Variants in ASTN2 observed in about 807,000 individuals in gnomAD.
The protein encoded by ASTN2 is astrotactin 2.
In ASTN2, 54 loss-of-function variants were observed where a neutral mutation model predicts 139.8. That is an observed-to-expected ratio of 0.39 (90% confidence interval 0.31 to 0.48). ASTN2 has a LOEUF of 0.48. Ranked by LOEUF, ASTN2 falls within the 20% of genes least tolerant of loss-of-function variation. The pLI is 0.95. For missense variants in ASTN2, 1,565 were observed against 1,725.1 expected (o/e 0.91, Z 1.64); for synonymous variants, 756 against 719.5 (o/e 1.05, Z -0.81).
intron 6 of ASTN2, 22 bp downstream of exon 6, chr9:117,039,797 A>G: frequency 6.2e-7 from 1 of 1,609,370 alleles, no homozygotes; most frequent in Non-Finnish European, 8.5e-7. Flanking sequence ...GGTGTGGAGC[A>G]TCTGCAATGC....
chr9:117,018,307 C>T (rs1837775054), intron 6 of ASTN2, among the ~76,000 whole-genome samples: 1 of 152,270 alleles, frequency 6.6e-6, no homozygotes, highest in South Asian at 2.1e-4. Context: ...TTAGGGTCTA[C>T]CCTTTTGTAT....
intron 4 of ASTN2, among the ~76,000 whole-genome samples, chr9:117,111,431 T>C (rs946674851): frequency 1.0e-4 from 7 of 68,984 alleles, no homozygotes; most frequent in Admixed American, 2.9e-4. Context: ...TGAATATGTA[T>C]AAAATAAAAA....
intron 10 of ASTN2, among the ~76,000 whole-genome samples, chr9:116,872,038 C>T (rs1833180494): frequency 6.6e-6 from 1 of 152,080 alleles, no homozygotes; most frequent in Non-Finnish European, 1.5e-5. Flanking sequence ...GATCTTGGCT[C>T]ACTGCAACCT....
rs918452193 is a variant in ASTN2, at chr9:117,347,314, A to G, written c.443-55801T>C. Among the ~76,000 whole-genome samples the G allele has an allele frequency of 7.9e-5, 12 of 152,114 alleles. No individual in the cohort carries two copies. The South Asian group carries it at 1.7e-3, about 21-fold the overall frequency. On this transcript the variant is annotated intron_variant, in intron 1 of 22. Coordinates refer to ENST00000313400, the MANE Select transcript of ASTN2 (RefSeq NM_001365068.1). ...GATACATTATACTGATAGCGCACACATAGATGGCTGTCAACAATGAGAGAG... is the reference window on the plus strand; with the variant it reads ...GATACATTATACTGATAGCGCACACGTAGATGGCTGTCAACAATGAGAGAG...
intron 15 of ASTN2, among the ~76,000 whole-genome samples, chr9:116,726,181 G>C (rs1244130701): frequency 6.6e-6 from 1 of 152,100 alleles, no homozygotes; most frequent in Non-Finnish European, 1.5e-5. Context: ...GGAATCTGCA[G>C]GAGAAGAAGG....
chr9:117,172,571 G>A (rs1830820064), intron 3 of ASTN2, among the ~76,000 whole-genome samples: 1 of 152,242 alleles, frequency 6.6e-6, no homozygotes, highest in South Asian at 2.1e-4. Flanking sequence ...GTAATATAGA[G>A]AGGAAAGTCC....
chr9:116,821,210 T>A (rs1765987929), intron 11 of ASTN2, among the ~76,000 whole-genome samples: 1 of 152,208 alleles, frequency 6.6e-6, no homozygotes. Context: ...TTTAAAAGCC[T>A]CTACCAGTAT....
Position 117,316,108 on chromosome 9 carries a change from T to C in ASTN2, c.443-24595A>G, listed in dbSNP as rs772185984. On this transcript the variant is annotated intron_variant, in intron 1 of 22. Transcript: ENST00000313400. ...ATTTGACAACCCATCACAAATTGCA[T>C]GGCTTAGACTCAAACACTCCACTTT... Among the ~76,000 whole-genome samples, 64 of 152,316 alleles carry C rather than the reference T, an allele frequency of 4.2e-4. 1 individual carries two copies. Among genetic ancestry groups the C allele is most frequent in the African/African-American group, 7.7e-4 (32 of 41,592 alleles).
chr9:117,041,900 T>A (rs924662300), intron 5 of ASTN2, among the ~76,000 whole-genome samples: 4 of 152,314 alleles, frequency 2.6e-5, no homozygotes, highest in African/African-American at 9.6e-5. Flanking sequence ...AGATTTCATA[T>A]GCTCTTGGTA....
At chr9:116,890,120 C>T (rs1833725687) in intron 10 of ASTN2, among the ~76,000 whole-genome samples, 1 of 152,178 alleles carries the variant, frequency 6.6e-6, no homozygotes, top group African/African-American at 2.4e-5. Flanking sequence ...AAATAACTGG[C>T]AACCAGGCAG....
At chr9:116,898,842 T>A (rs11998767) in intron 10 of ASTN2, among the ~76,000 whole-genome samples, 3,746 of 152,232 alleles carry the variant, frequency 0.025, 139 homozygotes, top group African/African-American at 0.082. Flanking sequence ...CTAATTTTTT[T>A]AAATATATTT....
In ASTN2 at chr9:116,912,968, G is replaced by A. The variant is rs1001625078; in HGVS notation, c.1890-49235C>T. ...GGCTGGAGTGCAGTGGTGTGATCTCGGCTCGGCTCACGGCAACCTCTGCCT... is the reference window on the plus strand; with the variant it reads ...GGCTGGAGTGCAGTGGTGTGATCTCAGCTCGGCTCACGGCAACCTCTGCCT... On this transcript the variant is annotated intron_variant, in intron 10 of 22. Coordinates refer to ENST00000313400, the MANE Select transcript of ASTN2 (RefSeq NM_001365068.1). Among the ~76,000 whole-genome samples, 21 of 151,682 alleles carry A rather than the reference G, an allele frequency of 1.4e-4. No homozygotes were observed. In the East Asian group the frequency reaches 3.7e-3, roughly 27 times the overall value.
intron 10 of ASTN2, among the ~76,000 whole-genome samples, chr9:116,965,032 G>A (rs185260396): frequency 1.9e-4 from 29 of 152,286 alleles, no homozygotes; most frequent in African/African-American, 6.3e-4. Context: ...AATACCATCA[G>A]GTTCAGAGAT....
intron 13 of ASTN2, among the ~76,000 whole-genome samples, chr9:116,783,081 C>G (rs1830261917): frequency 6.6e-6 from 1 of 152,136 alleles, no homozygotes; most frequent in Non-Finnish European, 1.5e-5. Context: ...CCTAGTAAAA[C>G]TAGGATATAT....
chr9:117,045,703 A>G (rs1463584656), intron 5 of ASTN2, among the ~76,000 whole-genome samples: 1 of 152,196 alleles, frequency 6.6e-6, no homozygotes, highest in Non-Finnish European at 1.5e-5. Context: ...ATCACATTTT[A>G]TAATGAAAAA....
At chr9:117,411,062 G>T (rs1029716856) in intron 1 of ASTN2, among the ~76,000 whole-genome samples, 46 of 152,250 alleles carry the variant, frequency 3.0e-4, no homozygotes, top group Middle Eastern at 3.4e-3. Context: ...GTAGGTGTCT[G>T]GCAGACCAGG....
intron 3 of ASTN2, among the ~76,000 whole-genome samples, chr9:117,145,015 G>A (rs1830163168): frequency 6.6e-6 from 1 of 151,934 alleles, no homozygotes. Context: ...TTTAGACTCA[G>A]GGGTACAAGT....
At chr9:116,847,064 T>C (rs1384271593) in intron 11 of ASTN2, among the ~76,000 whole-genome samples, 1 of 146,182 alleles carries the variant, frequency 6.8e-6, no homozygotes, top group Admixed American at 6.8e-5. Context: ...AAAACATATA[T>C]TCTAATGGGG....
At chr9:116,700,072 C>T (rs968677643) in intron 16 of ASTN2, 2 of 318,056 alleles carry the variant, frequency 6.3e-6, no homozygotes, top group South Asian at 4.0e-5. Flanking sequence ...GCTTTGATGC[C>T]CTTGATCCAT....
Sources: gnomAD v4.1 joint callset for allele counts (sites outside exome capture counted in the v4.1 genomes callset) on GRCh38, gnomAD v4.1.1 for gene constraint, MANE v1.5 for transcripts, NCBI Gene and HGNC (gene_info 2026-07-23, HGNC 2026-07-21) for gene names.